STIM1: variants seen among roughly 807,000 people sequenced by gnomAD.
STIM1 encodes stromal interaction molecule 1.
STIM1 carries 25 observed loss-of-function variants against 74.7 expected under a neutral mutation model. The observed-to-expected ratio is 0.33, with a 90% CI of 0.24 to 0.47. The LOEUF (loss-of-function observed/expected upper bound fraction) is 0.47, where lower values mean the gene tolerates loss of function less well. Among genes scored for constraint, STIM1 ranks in the 20% least tolerant of loss-of-function variants. STIM1 has a pLI of 1.00. For synonymous variants in STIM1, 328 were observed against 348.8 expected (o/e 0.94, Z 0.66); for missense variants, 728 against 920.8 (o/e 0.79, Z 2.71).
intron 7 of STIM1, among the ~76,000 whole-genome samples, chr11:4,078,082 A>T (rs959798561): frequency 1.2e-4 from 18 of 152,078 alleles, no homozygotes; most frequent in African/African-American, 4.3e-4. Flanking sequence ...TTTTTATTAC[A>T]TGCTGGACAG....
intron 2 of STIM1, among the ~76,000 whole-genome samples, chr11:4,022,172 A>C (rs907536970): frequency 5.9e-5 from 9 of 151,750 alleles, no homozygotes; most frequent in Non-Finnish European, 4.4e-5. Flanking sequence ...TCTCTACCAA[A>C]AATACAAAAA....
chr11:3,992,089 G>GTTTTTTTTTT (rs75377604), intron 2 of STIM1, among the ~76,000 whole-genome samples: 330 of 95,308 alleles, frequency 3.5e-3, no homozygotes, highest in African/African-American at 5.9e-3. Flanking sequence ...CTGTTTTTTT[G>GTTTTTTTTTT]TTTTTTTTTT....
At position 4,000,187 on chromosome 11, in the gene STIM1, C is replaced by T. The variant is rs568943427; in HGVS notation, c.271-23686C>T. Among the ~76,000 whole-genome samples the T allele has an allele frequency of 2.1e-3, 302 of 141,660 alleles. 2 individuals are homozygous for T. The highest frequency in any genetic ancestry group is 7.3e-3 in the African/African-American group (288 of 39,312). The allele number at this position is 141,660 out of a possible 152,430, so 92.9% of individuals were successfully genotyped here. A position where few individuals can be genotyped will look rare whatever the true frequency, so the allele number is the denominator to read the frequency against. On this transcript the variant is annotated intron_variant, in intron 2 of 12. Coordinates refer to ENST00000526596, the MANE Select transcript of STIM1 (RefSeq NM_001382567.1). ...AGACAAACAAAAAGACAGCAGTAAC[C>T]TCTGCAGACTTAAATGTGCCTGTCT...
At chr11:3,954,881 A>C (rs1352197348) in intron 1 of STIM1, among the ~76,000 whole-genome samples, 1 of 152,256 alleles carries the variant, frequency 6.6e-6, no homozygotes, top group Non-Finnish European at 1.5e-5. Context: ...TTGTAAATGC[A>C]TCAGTTCCAC....
chr11:3,992,580 T>C (rs2093626673), intron 2 of STIM1, among the ~76,000 whole-genome samples: 1 of 152,242 alleles, frequency 6.6e-6, no homozygotes, highest in Non-Finnish European at 1.5e-5. Context: ...TTTCACTTTC[T>C]TGGTTGTATC....
At chr11:4,074,003 C>T (rs1230169658) in intron 6 of STIM1, among the ~76,000 whole-genome samples, 2 of 152,120 alleles carry the variant, frequency 1.3e-5, no homozygotes, top group East Asian at 1.9e-4. Context: ...TTTTGTCAAG[C>T]TTGCAGGGTA....
rs572292942 is a variant in STIM1, at chr11:3,967,162, A to G, written c.140-390A>G. Among the ~76,000 whole-genome samples, 12 of 152,356 alleles carry G rather than the reference A, an allele frequency of 7.9e-5. No individual in the cohort carries two copies. The South Asian group carries it at 2.3e-3, about 29-fold the overall frequency. ...TGATTTACATTTGTGTATTTGGCTGATTAAAAATAATAGCTCAATTGAATA... is the reference window on the plus strand; with the variant it reads ...TGATTTACATTTGTGTATTTGGCTGGTTAAAAATAATAGCTCAATTGAATA... On this transcript the variant is annotated intron_variant, in intron 1 of 12. Transcript: ENST00000526596.
chr11:3,990,864 G>C (rs2093603734), intron 2 of STIM1, among the ~76,000 whole-genome samples: 1 of 152,054 alleles, frequency 6.6e-6, no homozygotes, highest in Admixed American at 6.5e-5. Flanking sequence ...TGTTACAAGA[G>C]TATATTGCGT....
intron 1 of STIM1, among the ~76,000 whole-genome samples, chr11:3,932,304 C>G (rs536399265): frequency 6.6e-6 from 1 of 152,164 alleles, no homozygotes; most frequent in African/African-American, 2.4e-5. Flanking sequence ...AGACACAGGG[C>G]CTTTGGTGGG....
rs185109441 is a variant in STIM1 at position 3,900,467 on chromosome 11, C to G, written c.139+44058C>G. 1.2e-3 allele frequency among the ~76,000 whole-genome samples: 179 copies of G among 152,346 alleles called. No individual in the cohort carries two copies. In the South Asian group the frequency reaches 0.014, roughly 12 times the overall value. Reference sequence around the variant, plus strand: ...TGTCCTGCACCCACTGTCTGGCACTCCCCAGTGAGATGAACCCGGTACCTC... The same window carrying G: ...TGTCCTGCACCCACTGTCTGGCACTGCCCAGTGAGATGAACCCGGTACCTC... On this transcript the variant is annotated intron_variant, in intron 1 of 12. Coordinates refer to ENST00000526596, the MANE Select transcript of STIM1 (RefSeq NM_001382567.1).
At chr11:3,959,851 C>T (rs2093266099) in intron 1 of STIM1, among the ~76,000 whole-genome samples, 1 of 152,082 alleles carries the variant, frequency 6.6e-6, no homozygotes, top group Admixed American at 6.5e-5. Flanking sequence ...TACCTTTGTA[C>T]TGATGTTGCA....
At chr11:3,938,682 A>C (rs2092966491) in intron 1 of STIM1, among the ~76,000 whole-genome samples, 1 of 152,134 alleles carries the variant, frequency 6.6e-6, no homozygotes, top group Non-Finnish European at 1.5e-5. Flanking sequence ...CCCTGTCTCT[A>C]CTAAAAATAT....
chr11:3,925,056 A>T (rs187522477), intron 1 of STIM1, among the ~76,000 whole-genome samples: 142 of 152,336 alleles, frequency 9.3e-4, no homozygotes, highest in Non-Finnish European at 1.7e-3. Context: ...AATATTTAAT[A>T]TATATTTTCT....
At chr11:3,920,128 ATT>A (rs34962527) in intron 1 of STIM1, among the ~76,000 whole-genome samples, 30 of 149,150 alleles carry the variant, frequency 2.0e-4, no homozygotes, top group African/African-American at 4.4e-4. Context: ...GAAGTGTACA[ATT>A]TTTTTTTTTT....
At chr11:3,872,621 A>T (rs1055120825) in intron 1 of STIM1, among the ~76,000 whole-genome samples, 14 of 146,230 alleles carry the variant, frequency 9.6e-5, no homozygotes, top group African/African-American at 3.6e-4. Context: ...TCCCGGGTTC[A>T]TGCCATTCTC....
intron 1 of STIM1, among the ~76,000 whole-genome samples, chr11:3,932,932 G>A (rs1052272987): frequency 1.3e-5 from 2 of 152,166 alleles, no homozygotes; most frequent in African/African-American, 2.4e-5. Context: ...ACAGAGTTGA[G>A]GTTATTGGGG....
rs1207204211 is a variant in STIM1 at position 4,082,910 on chromosome 11, C to T, written c.1166C>T (p.Thr389Ile). 1 of 1,614,158 alleles carries T rather than the reference C, an allele frequency of 6.2e-7. No homozygotes were observed. Among genetic ancestry groups the T allele is most frequent in the Non-Finnish European group, 8.5e-7 (1 of 1,180,008 alleles). Residue 389 changes from threonine to isoleucine, a missense_variant, in exon 9 of 13, where the codon ACA (threonine) becomes ATA (isoleucine). This residue lies in a region of STIM1 where 131 missense variants were observed against 235.9 expected (regional missense o/e 0.56). Transcript: ENST00000526596. ...GAGAAGATAAAAAAGAAGAGAAACA[C>T]ACTCTTTGGCACCTTCCACGTGGCC... ...GAEKIKKKRN[T>I]LFGTFHVAHS...
intron 1 of STIM1, among the ~76,000 whole-genome samples, chr11:3,956,333 T>G (rs1352159981): frequency 6.6e-6 from 1 of 152,100 alleles, no homozygotes; most frequent in Non-Finnish European, 1.5e-5. Context: ...TGGTGATTGA[T>G]TAAATGTGGA....
chr11:3,878,490 A>G (rs1431392389), intron 1 of STIM1, among the ~76,000 whole-genome samples: 1 of 152,038 alleles, frequency 6.6e-6, no homozygotes, highest in Non-Finnish European at 1.5e-5. Context: ...AAAGATAATT[A>G]TTACTTCTTC....
Sources: gnomAD v4.1 joint callset for allele counts (sites outside exome capture counted in the v4.1 genomes callset) on GRCh38, gnomAD v4.1.1 for gene constraint, gnomAD v4.1.1 regional missense constraint, MANE v1.5 for transcripts, NCBI Gene and HGNC (gene_info 2026-07-23, HGNC 2026-07-21) for gene names.